The following CCDC171 variants were observed in gnomAD, a reference collection of about 807,000 sequenced individuals.
The protein encoded by CCDC171 is coiled-coil domain containing 171, also known as coiled-coil domain-containing protein 171.
CCDC171 carries 177 observed loss-of-function variants against 168.2 expected under a neutral mutation model. The ratio of observed to expected loss-of-function variants is 1.05; its 90% CI spans 0.93 to 1.19. The LOEUF (loss-of-function observed/expected upper bound fraction) is 1.19, where lower values mean the gene tolerates loss of function less well. CCDC171 is among the 50% of genes most tolerant of loss of function. The pLI is 0.00. For missense variants in CCDC171, 1,991 were observed against 1,539.0 expected, an observed-to-expected ratio of 1.29 and a Z score of -4.91; for synonymous variants, 687 against 540.8, an observed-to-expected ratio of 1.27 and a Z score of -3.75.
chr9:16,070,663 G>C, the CCDC171 span, among the ~76,000 whole-genome samples: 5 of 152,150 alleles, frequency 3.3e-5, no homozygotes, highest in Admixed American at 3.3e-4. Flanking sequence ...GAGGAGAGAG[G>C]AGCCGCCTGG....
chr9:15,910,035 TA>T (rs1186516716), intron 24 of CCDC171, among the ~76,000 whole-genome samples: 1 of 152,202 alleles, frequency 6.6e-6, no homozygotes, highest in Admixed American at 6.5e-5. Context: ...CTCCCACTTA[TA>T]AGTGAGAACA....
chr9:15,746,648 T>C (rs1024711431), intron 18 of CCDC171, among the ~76,000 whole-genome samples: 1 of 152,176 alleles, frequency 6.6e-6, no homozygotes, highest in Admixed American at 6.5e-5. Flanking sequence ...GATGGCCAAA[T>C]AGGAACAGCT....
Position 15,729,684 on chromosome 9 carries a change from C to G in CCDC171, c.1935C>G (p.Thr645=). 1.2e-6 allele frequency: 2 copies of G among 1,613,324 alleles called. No individual in the cohort carries two copies. The highest frequency in any genetic ancestry group is 1.7e-6 in the Non-Finnish European group (2 of 1,179,498). ...MRELQQTQED[T]FTKVAEQIKA... ...AGCTTCAGCAGACTCAGGAAGACACCTTTACCAAAGTGGCAGAACAGATCA... is the reference window on the plus strand; with the variant it reads ...AGCTTCAGCAGACTCAGGAAGACACGTTTACCAAAGTGGCAGAACAGATCA... Residue 645 remains threonine (T), a synonymous_variant, in exon 16 of 26, where the codon ACC becomes ACG. Transcript: ENST00000380701.
intron 7 of CCDC171, among the ~76,000 whole-genome samples, chr9:15,631,100 C>G (rs1351614099): frequency 6.6e-6 from 1 of 151,928 alleles, no homozygotes; most frequent in Admixed American, 6.6e-5. Flanking sequence ...CCTAACATCA[C>G]AATTAAAAGA....
intron 11 of CCDC171, among the ~76,000 whole-genome samples, chr9:15,699,266 G>T (rs1377037024): frequency 1.3e-5 from 2 of 152,124 alleles, no homozygotes; most frequent in African/African-American, 2.4e-5. Flanking sequence ...CGTTCCTCCC[G>T]GTGGGCTCGT....
intron 18 of CCDC171, among the ~76,000 whole-genome samples, chr9:15,746,886 C>T (rs1450494276): frequency 6.6e-6 from 1 of 152,182 alleles, no homozygotes. Flanking sequence ...AGGAATGGTA[C>T]ACTTCTGCTC....
At chr9:15,739,452 G>A (rs1055182369) in intron 16 of CCDC171, among the ~76,000 whole-genome samples, 1 of 152,076 alleles carries the variant, frequency 6.6e-6, no homozygotes, top group Non-Finnish European at 1.5e-5. Context: ...AAAGTTAGGT[G>A]ATAGAATTAG....
chr9:15,701,823 C>A lies in CCDC171; in HGVS notation c.1318+6486C>A, dbSNP rs138331522. 2.4e-3 allele frequency among the ~76,000 whole-genome samples: 370 copies of A among 152,210 alleles called. 3 individuals are homozygous for A. Among genetic ancestry groups the A allele is most frequent in the African/African-American group, 8.6e-3 (357 of 41,548 alleles). On this transcript the variant is annotated intron_variant, in intron 11 of 25. Coordinates refer to ENST00000380701, the MANE Select transcript of CCDC171 (RefSeq NM_173550.4). ...CACGAGGATTGGAATCAACTTCTTC[C>A]AAATTCCTGTGACATATTGACTTAC...
At chr9:16,058,305 T>G (rs1833875270) in intron 1 of CCDC171, among the ~76,000 whole-genome samples, 1 of 152,074 alleles carries the variant, frequency 6.6e-6, no homozygotes, top group Non-Finnish European at 1.5e-5. Context: ...ACCACATCCT[T>G]CCACTCTCCT....
chr9:15,639,150 T>C (rs1334043679), intron 7 of CCDC171, among the ~76,000 whole-genome samples: 1 of 152,068 alleles, frequency 6.6e-6, no homozygotes, highest in African/African-American at 2.4e-5. Flanking sequence ...TTCATAATTG[T>C]TGATAAAGAC....
At chr9:15,993,059 A>G in intron 3 of CCDC171, among the ~76,000 whole-genome samples, 1 of 152,202 alleles carries the variant, frequency 6.6e-6, no homozygotes, top group African/African-American at 2.4e-5. Flanking sequence ...CCATCAAGCT[A>G]CCAATGACTG....
At chr9:15,868,737 G>A (rs187089568) in intron 23 of CCDC171, among the ~76,000 whole-genome samples, 38 of 152,022 alleles carry the variant, frequency 2.5e-4, no homozygotes, top group Admixed American at 2.1e-3. Flanking sequence ...ATATTAAAAC[G>A]CATTATTGTT....
the CCDC171 span, among the ~76,000 whole-genome samples, chr9:16,071,711 C>A: frequency 6.6e-6 from 1 of 152,188 alleles, no homozygotes; most frequent in African/African-American, 2.4e-5. Context: ...TCTTTTATTC[C>A]TTCTTCTCTT....
chr9:15,748,403 G>A (rs910653676), intron 18 of CCDC171, among the ~76,000 whole-genome samples: 2 of 152,160 alleles, frequency 1.3e-5, no homozygotes, highest in African/African-American at 4.8e-5. Flanking sequence ...CGCTTTTCAG[G>A]ATATTATCGA....
At chr9:15,623,475 G>GCGCGCGCACGCACACACACACACACACA in intron 7 of CCDC171, 62 bp downstream of exon 7, 6 of 293,710 alleles carry the variant, frequency 2.0e-5, no homozygotes, top group African/African-American at 1.4e-4. Flanking sequence ...GCGCGCGCGC[G>GCGCGCGCACGCACACACACACACACACA]CACACACACA....
At chr9:15,691,836 G>A (rs1346184682) in intron 10 of CCDC171, among the ~76,000 whole-genome samples, 2 of 151,804 alleles carry the variant, frequency 1.3e-5, no homozygotes, top group Non-Finnish European at 2.9e-5. Flanking sequence ...TGCCACCATG[G>A]CTGTCTGGTT....
At chr9:15,907,608 C>T (rs1427819808) in intron 24 of CCDC171, among the ~76,000 whole-genome samples, 1 of 152,188 alleles carries the variant, frequency 6.6e-6, no homozygotes, top group African/African-American at 2.4e-5. Flanking sequence ...GCAAGGACTT[C>T]ATGTCTAAAA....
intron 25 of CCDC171, among the ~76,000 whole-genome samples, chr9:15,951,446 A>G (rs554190360): frequency 1.3e-5 from 2 of 152,228 alleles, no homozygotes; most frequent in East Asian, 3.9e-4. Context: ...ATTTCCACCA[A>G]CAGAGCAAAG....
At chr9:15,704,709 C>T (rs960536349) in intron 11 of CCDC171, among the ~76,000 whole-genome samples, 5 of 152,106 alleles carry the variant, frequency 3.3e-5, no homozygotes, top group East Asian at 1.9e-4. Flanking sequence ...AGAAACTTTC[C>T]GATGCACATG....
Sources: gnomAD v4.1 joint callset for allele counts (sites outside exome capture counted in the v4.1 genomes callset) on GRCh38, gnomAD v4.1.1 for gene constraint, MANE v1.5 for transcripts, NCBI Gene and HGNC (gene_info 2026-07-23, HGNC 2026-07-21) for gene names.